The following NDUFA9 variants were observed in gnomAD, a reference collection of about 807,000 sequenced individuals.
NDUFA9 encodes the protein NADH:ubiquinone oxidoreductase subunit A9.
In NDUFA9, 23 loss-of-function variants were observed where a neutral mutation model predicts 45.9. The observed-to-expected ratio is 0.50, with a 90% CI of 0.36 to 0.71. The LOEUF (loss-of-function observed/expected upper bound fraction) is 0.71, where lower values mean the gene tolerates loss of function less well. NDUFA9 is among the 30% of genes least tolerant of loss of function. NDUFA9 has a pLI of 0.00. For synonymous variants in NDUFA9, 176 were observed against 170.5 expected (o/e 1.03, Z -0.25); for missense variants, 466 against 488.2 (o/e 0.95, Z 0.43).
At chr12:4,670,212 G>A (rs1362937254) in intron 8 of NDUFA9, among the ~76,000 whole-genome samples, 3 of 152,156 alleles carry the variant, frequency 2.0e-5, no homozygotes, top group African/African-American at 4.8e-5. Flanking sequence ...GCTGAAAAAC[G>A]GGTGGTTTAT....
chr12:4,684,424 C>T (rs1206359028), intron 9 of NDUFA9, among the ~76,000 whole-genome samples: 2 of 152,160 alleles, frequency 1.3e-5, no homozygotes, highest in East Asian at 3.9e-4. Flanking sequence ...CTTGGCCCCC[C>T]AGGACTCTGT....
chr12:4,671,075 C>T (rs1051540179), intron 8 of NDUFA9, among the ~76,000 whole-genome samples: 1 of 152,150 alleles, frequency 6.6e-6, no homozygotes, highest in Admixed American at 6.5e-5. Context: ...AGATAGGTAT[C>T]TACACATTTC....
rs572340077 is a variant in NDUFA9, at chr12:4,669,750, G to A, written c.733G>A (p.Val245Ile). The change falls in exon 8 of 11, where the codon GTA (valine) becomes ATA (isoleucine). Residue 245 changes from valine (V) to isoleucine (I), a missense_variant. By Grantham distance (29) the Val-to-Ile change is conservative. Transcript: ENST00000266544. ...TTATAATTTCTTACAGGTCGTAGAT[G>A]TATCCAAAGGAATTGTTAATGCAGT... ...TVKQPVYVVD[V>I]SKGIVNAVKD... 3.2e-5 allele frequency: 52 copies of A among 1,604,278 alleles called. No individual in the cohort carries two copies. The South Asian group carries it at 5.3e-4, about 16-fold the overall frequency.
At chr12:4,666,896 C>T (rs552804992) in intron 6 of NDUFA9, among the ~76,000 whole-genome samples, 1 of 152,092 alleles carries the variant, frequency 6.6e-6, no homozygotes, top group East Asian at 1.9e-4. Flanking sequence ...ATGGAGTTTT[C>T]TATATTTTTG....
chr12:4,649,317 T>TC, intron 1 of NDUFA9, 142 bp downstream of exon 1: 1 of 944,422 alleles, frequency 1.1e-6, no homozygotes, highest in Non-Finnish European at 1.6e-6. Flanking sequence ...TGCCTCAGTC[T>TC]GGTTTCTCCT....
chr12:4,652,309 G>C (rs1356458436), intron 1 of NDUFA9, among the ~76,000 whole-genome samples: 1 of 152,050 alleles, frequency 6.6e-6, no homozygotes, highest in Non-Finnish European at 1.5e-5. Context: ...GCACATAAAT[G>C]TTAACTCATA....
Position 4,669,745 on chromosome 12 carries a change from T to C in NDUFA9, c.728T>C (p.Val243Ala), listed in dbSNP as rs202214518. 28 of 1,598,724 alleles carry C rather than the reference T, an allele frequency of 1.8e-5. No individual in the cohort carries two copies. The Admixed American group carries it at 4.0e-4, about 23-fold the overall frequency. Residue 243 changes from valine (V) to alanine (A), a missense_variant, in exon 8 of 11, where the codon GTA becomes GCA. By Grantham distance (64) the Val-to-Ala change is moderately conservative (BLOSUM62 0). Transcript: ENST00000266544. Reference sequence around the variant, plus strand: ...ATATATTATAATTTCTTACAGGTCGTAGATGTATCCAAAGGAATTGTTAAT... The same window carrying C: ...ATATATTATAATTTCTTACAGGTCGCAGATGTATCCAAAGGAATTGTTAAT... ...WKTVKQPVYV[V>A]DVSKGIVNAV...
At chr12:4,676,550 A>G (rs1367761092) in intron 8 of NDUFA9, among the ~76,000 whole-genome samples, 2 of 152,182 alleles carry the variant, frequency 1.3e-5, no homozygotes, top group Non-Finnish European at 2.9e-5. Context: ...CACAATTGCT[A>G]CAAAGAGAAT....
At chr12:4,685,136 A>T (rs546384604) in intron 9 of NDUFA9, 123 bp from the exon 10 acceptor site, 15 of 302,070 alleles carry the variant, frequency 5.0e-5, no homozygotes, top group East Asian at 1.6e-4. Context: ...TTATTTTCTT[A>T]AAAAAAAAAA....
chr12:4,672,194 T>G (rs780646867), intron 8 of NDUFA9, among the ~76,000 whole-genome samples: 60 of 152,204 alleles, frequency 3.9e-4, no homozygotes, highest in Non-Finnish European at 4.4e-5. Context: ...TACCATGCAC[T>G]CTGGCCCAGA....
intron 4 of NDUFA9, among the ~76,000 whole-genome samples, chr12:4,658,661 A>C (rs1945805312): frequency 6.6e-6 from 1 of 152,248 alleles, no homozygotes; most frequent in East Asian, 1.9e-4. Context: ...TGGATTTCTA[A>C]CTTAAAGTAG....
intron 6 of NDUFA9, among the ~76,000 whole-genome samples, chr12:4,666,393 A>G (rs1043805638): frequency 1.3e-5 from 2 of 152,208 alleles, no homozygotes; most frequent in Non-Finnish European, 2.9e-5. Flanking sequence ...ATTTTGATGT[A>G]GTCAGGCTTA....
At chr12:4,660,434 G>A (rs999204989) in intron 5 of NDUFA9, among the ~76,000 whole-genome samples, 7 of 152,164 alleles carry the variant, frequency 4.6e-5, no homozygotes, top group African/African-American at 1.7e-4. Context: ...CTGGTATATA[G>A]GGTTTCTGAT....
In NDUFA9 at chr12:4,687,353, CAG is replaced by C. The variant is rs1286330420; in HGVS notation, c.*250_*251del. On this transcript the variant is annotated 3_prime_UTR_variant, in exon 11 of 11. Transcript: ENST00000266544. ...ATATACTATTTATTCTCTGAAATGC[CAG>C]AGAGTTTGAATTTTCCTATGACAAA... 3 of 297,554 alleles carry C rather than the reference CAG, an allele frequency of 1.0e-5. No homozygotes were observed. Among genetic ancestry groups the C allele is most frequent in the African/African-American group, 4.3e-5 (2 of 46,352 alleles). 18.4% of individuals were successfully genotyped at this position (297,554 alleles called of 1,614,324 possible).
intron 8 of NDUFA9, among the ~76,000 whole-genome samples, chr12:4,679,897 G>A (rs762987836): frequency 1.7e-4 from 26 of 152,188 alleles, no homozygotes; most frequent in Admixed American, 5.2e-4. Flanking sequence ...AGATGAGGCC[G>A]ACAGAAAAGG....
At chr12:4,649,491 A>G (rs1010250561) in intron 1 of NDUFA9, among the ~76,000 whole-genome samples, 2 of 152,008 alleles carry the variant, frequency 1.3e-5, no homozygotes, top group Non-Finnish European at 2.9e-5. Context: ...GTTATGAGAA[A>G]TATTTGTATG....
intron 8 of NDUFA9, among the ~76,000 whole-genome samples, chr12:4,675,274 A>G (rs562334350): frequency 6.6e-6 from 1 of 152,324 alleles, no homozygotes; most frequent in South Asian, 2.1e-4. Flanking sequence ...AGCAGGAACA[A>G]ACAAATTTAA....
chr12:4,649,207 C>T, intron 1 of NDUFA9, 32 bp downstream of exon 1: 2 of 1,590,334 alleles, frequency 1.3e-6, no homozygotes, highest in Non-Finnish European at 1.7e-6. Context: ...GGCCCCTGGT[C>T]GGGATTCCGA....
chr12:4,658,679 A>G (rs551784411), intron 4 of NDUFA9, among the ~76,000 whole-genome samples: 1 of 152,314 alleles, frequency 6.6e-6, no homozygotes, highest in East Asian at 1.9e-4. Flanking sequence ...TAGTCCTTAA[A>G]TTGTGTAGAG....
Sources: allele counts gnomAD v4.1 joint callset (sites outside exome capture counted in the v4.1 genomes callset), GRCh38; gene constraint gnomAD v4.1.1; transcripts MANE v1.5; gene names NCBI Gene and HGNC (gene_info 2026-07-23, HGNC 2026-07-21).